CDS2: variants seen among roughly 807,000 people sequenced by gnomAD.
CDS2 encodes CDP-diacylglycerol synthase 2.
CDS2 carries 47 observed loss-of-function variants against 59.0 expected under a neutral mutation model. That is an observed-to-expected ratio of 0.80 (90% CI 0.63 to 1.02). CDS2 has a LOEUF of 1.02. Among genes scored for constraint, CDS2 ranks in the 50% least tolerant of loss-of-function variants. The pLI, the probability that CDS2 is intolerant of heterozygous loss-of-function variation, is 0.00. For missense variants in CDS2, 356 were observed against 558.9 expected (o/e 0.64, Z 3.66); for synonymous variants, 207 against 206.4 (o/e 1.00, Z -0.02).
intron 6 of CDS2, among the ~76,000 whole-genome samples, 199 bp from the exon 7 acceptor site, chr20:5,182,862 T>C (rs2091041248): frequency 1.3e-5 from 2 of 152,220 alleles, no homozygotes; most frequent in Admixed American, 1.3e-4. Flanking sequence ...ATGGGAGAGC[T>C]CACTCACTAG....
At chr20:5,174,684 T>C (rs2090981445) in intron 2 of CDS2, among the ~76,000 whole-genome samples, 1 of 150,648 alleles carries the variant, frequency 6.6e-6, no homozygotes, top group East Asian at 1.9e-4. Flanking sequence ...ATTGTGCCAC[T>C]GCACTCCAAC....
chr20:5,127,736 C>T (rs1261843270), intron 1 of CDS2, among the ~76,000 whole-genome samples: 1 of 151,892 alleles, frequency 6.6e-6, no homozygotes, highest in African/African-American at 2.4e-5. Context: ...TTGTTTCCTG[C>T]ACCGTGTGGG....
At chr20:5,138,913 G>C (rs66732687) in intron 1 of CDS2, among the ~76,000 whole-genome samples, 11,238 of 152,200 alleles carry the variant, frequency 0.074, 474 homozygotes, top group Middle Eastern at 0.16. Flanking sequence ...CCTGAAATCT[G>C]TATGGGATCA....
chr20:5,175,318 T>G, intron 3 of CDS2, 39 bp downstream of exon 3: 1 of 1,530,922 alleles, frequency 6.5e-7, no homozygotes, highest in Non-Finnish European at 9.1e-7. Flanking sequence ...TTCCCTTCAG[T>G]TTTTGCTGCA....
At chr20:5,133,906 T>C (rs902770793) in intron 1 of CDS2, among the ~76,000 whole-genome samples, 1 of 152,214 alleles carries the variant, frequency 6.6e-6, no homozygotes, top group East Asian at 1.9e-4. Flanking sequence ...AGCTTCTTTA[T>C]TGATTAACAT....
At chr20:5,176,347 A>G in intron 3 of CDS2, 1 of 249,880 alleles carries the variant, frequency 4.0e-6, no homozygotes, top group South Asian at 6.2e-5. Context: ...GCTTGAGCCC[A>G]GGAGTTCAAG....
intron 4 of CDS2, 66 bp downstream of exon 4, chr20:5,176,811 A>G: frequency 1.8e-6 from 2 of 1,086,584 alleles, no homozygotes; most frequent in Non-Finnish European, 2.9e-6. Context: ...AGGTACTTAC[A>G]GTGACGGTGG....
At position 5,193,250 on chromosome 20, in the gene CDS2, C is replaced by T. The variant is rs996862703; in HGVS notation, c.*3016C>T. ...CTCCTGAAAGTGAAACCCTCTTAGG[C>T]AACTTGTTTCATATTCTGGGCATTT... On this transcript the variant is annotated 3_prime_UTR_variant, in exon 13 of 13. Coordinates refer to ENST00000460006, the MANE Select transcript of CDS2 (RefSeq NM_003818.4). 6.6e-6 allele frequency: 1 copy of T among 152,222 alleles called. No individual in the cohort carries two copies. Among genetic ancestry groups the T allele is most frequent in the Non-Finnish European group, 1.5e-5 (1 of 68,040 alleles). 9.4% of individuals were successfully genotyped at this position (152,222 alleles called of 1,614,324 possible). A position where few individuals can be genotyped will look rare whatever the true frequency, so the allele number is the denominator to read the frequency against.
chr20:5,132,866 G>C (rs1245347174), intron 1 of CDS2, among the ~76,000 whole-genome samples: 1 of 152,178 alleles, frequency 6.6e-6, no homozygotes, highest in African/African-American at 2.4e-5. Context: ...GGTTAACATG[G>C]TATTTCATTA....
intron 1 of CDS2, among the ~76,000 whole-genome samples, chr20:5,133,002 C>T (rs1459739415): frequency 1.4e-5 from 2 of 146,090 alleles, no homozygotes; most frequent in Non-Finnish European, 1.5e-5. Flanking sequence ...AAAACCCCTT[C>T]TCTACTACAA....
At chr20:5,130,312 T>C (rs2090594108) in intron 1 of CDS2, among the ~76,000 whole-genome samples, 1 of 152,204 alleles carries the variant, frequency 6.6e-6, no homozygotes, top group South Asian at 2.1e-4. Flanking sequence ...TTATTCTGTT[T>C]CATAGTTTGG....
chr20:5,186,589 C>A lies in CDS2; in HGVS notation c.829-98C>A, dbSNP rs1880792386. 1.2e-5 allele frequency: 14 copies of A among 1,192,658 alleles called. No individual in the cohort carries two copies. The East Asian group carries it at 3.4e-4, about 29-fold the overall frequency. 73.9% of individuals were successfully genotyped at this position (1,192,658 alleles called of 1,614,324 possible). A position where few individuals can be genotyped will look rare whatever the true frequency, so the allele number is the denominator to read the frequency against. ...CACATAGCTCGCAGTTAGCAGGGTACTAGGCACCCTCAGGAACATGGCCAA... is the reference window on the plus strand; with the variant it reads ...CACATAGCTCGCAGTTAGCAGGGTAATAGGCACCCTCAGGAACATGGCCAA... On this transcript the variant is annotated intron_variant, in intron 9 of 12. Coordinates refer to ENST00000460006, the MANE Select transcript of CDS2 (RefSeq NM_003818.4).
rs145744411 is a variant in CDS2, at chr20:5,187,254, C to A, written c.981+415C>A. 4.1e-3 allele frequency: 861 copies of A among 210,308 alleles called. 1 individual carries two copies. Among genetic ancestry groups the A allele is most frequent in the Non-Finnish European group, 6.8e-3 (678 of 100,248 alleles). The allele number at this position is 210,308 out of a possible 1,614,324, so 13.0% of individuals were successfully genotyped here. ...CAGTGGGTTCCTCATGCCACACACT[C>A]ACAGTACAAACAGGCCAGTTCTAAT... On this transcript the variant is annotated intron_variant, in intron 10 of 12. Coordinates refer to ENST00000460006, the MANE Select transcript of CDS2 (RefSeq NM_003818.4).
At chr20:5,132,672 C>T (rs1466338629) in intron 1 of CDS2, among the ~76,000 whole-genome samples, 1 of 151,536 alleles carries the variant, frequency 6.6e-6, no homozygotes, top group East Asian at 1.9e-4. Flanking sequence ...ACTATGATTC[C>T]CAGGCTTAAC....
intron 2 of CDS2, among the ~76,000 whole-genome samples, chr20:5,174,044 C>T (rs989421821): frequency 8.5e-5 from 13 of 152,356 alleles, no homozygotes; most frequent in East Asian, 5.8e-4. Flanking sequence ...GAGGAGTCCA[C>T]GTTTCCAGTT....
At chr20:5,181,775 A>T (rs1448887436) in intron 5 of CDS2, among the ~76,000 whole-genome samples, 2 of 152,244 alleles carry the variant, frequency 1.3e-5, no homozygotes, top group African/African-American at 4.8e-5. Flanking sequence ...AAACCTGTAC[A>T]GCATGTTACC....
chr20:5,174,805 G>T (rs987114992), intron 2 of CDS2, among the ~76,000 whole-genome samples: 2 of 152,236 alleles, frequency 1.3e-5, no homozygotes, highest in Admixed American at 1.3e-4. Context: ...ATTATTCAGG[G>T]CAGTGCAGTG....
chr20:5,142,554 A>G (rs1351549889), intron 1 of CDS2, among the ~76,000 whole-genome samples: 2 of 152,336 alleles, frequency 1.3e-5, no homozygotes, highest in African/African-American at 2.4e-5. Context: ...AAATTTGAAT[A>G]TTGGATATTT....
intron 2 of CDS2, among the ~76,000 whole-genome samples, chr20:5,174,939 G>A (rs2123043315): frequency 1.3e-5 from 2 of 152,242 alleles, no homozygotes; most frequent in African/African-American, 4.8e-5. Context: ...TTTGTGTTTT[G>A]CCTGATACCT....
Sources: gnomAD v4.1 joint callset for allele counts (sites outside exome capture counted in the v4.1 genomes callset) on GRCh38, gnomAD v4.1.1 for gene constraint, MANE v1.5 for transcripts, NCBI Gene and HGNC (gene_info 2026-07-23, HGNC 2026-07-21) for gene names.